The following DHX33 variants were observed in gnomAD, a reference collection of about 807,000 sequenced individuals.
The protein encoded by DHX33 is DEAH-box helicase 33.
DHX33 carries 42 observed loss-of-function variants against 72.5 expected under a neutral mutation model. The observed-to-expected ratio is 0.58, with a 90% CI of 0.45 to 0.75. The LOEUF (loss-of-function observed/expected upper bound fraction) is 0.75, where lower values mean the gene tolerates loss of function less well. DHX33 is among the 30% of genes least tolerant of loss of function. The pLI is 0.00. For synonymous variants in DHX33, 358 were observed against 366.1 expected (o/e 0.98, Z 0.25); for missense variants, 842 against 917.5 (o/e 0.92, Z 1.06).
At chr17:5,445,102 T>C (rs1024819506) in intron 11 of DHX33, among the ~76,000 whole-genome samples, 1 of 151,382 alleles carries the variant, frequency 6.6e-6, no homozygotes, top group African/African-American at 2.4e-5. Flanking sequence ...TTTTTGAGGC[T>C]GAGTCTCCCT....
At position 5,456,085 on chromosome 17, in the gene DHX33, G is replaced by A; in HGVS notation, c.947C>T (p.Pro316Leu). ...GACCAGCATCGCAGGGCAGCCGTCT[G>A]GGAGGTGCTTTGCAATGTCTCGGCA... ...KTCRDIAKHL[P>L]DGCPAMLVLP... Residue 316 changes from proline (P) to leucine (L), a missense_variant, in exon 5 of 12, where the codon CCA (proline) becomes CTA (leucine). Transcript: ENST00000225296. The A allele has an allele frequency of 6.2e-7, 1 of 1,614,010 alleles. No homozygotes were observed. Among genetic ancestry groups the A allele is most frequent in the Admixed American group, 1.7e-5 (1 of 60,022 alleles).
chr17:5,453,388 T>C (rs1917038145), intron 8 of DHX33, among the ~76,000 whole-genome samples, 192 bp downstream of exon 8: 1 of 152,256 alleles, frequency 6.6e-6, no homozygotes. Context: ...AGACCCTGTC[T>C]CTTTAAAAGT....
intron 4 of DHX33, among the ~76,000 whole-genome samples, 196 bp downstream of exon 4, chr17:5,460,743 G>C (rs1030121321): frequency 2.6e-5 from 4 of 151,168 alleles, no homozygotes; most frequent in Admixed American, 2.6e-4. Flanking sequence ...CTGACCTCAG[G>C]TGATCCACCT....
Position 5,453,580 on chromosome 17 carries a change from C to G in DHX33, c.1396G>C (p.Asp466His), listed in dbSNP as rs747329839. ...CTGCAAAACTGTGGATTTCACTTAC[C>G]TGGAGATGGCTTCGACATGAAGTCA... is the stretch of plus-strand genomic sequence containing the variant. ...TFDFMSKPSP[D>H]HIQAAIAQLD... Residue 466 changes from aspartate to histidine, a missense_variant and splice_region_variant, in exon 8 of 12, where the codon GAT (aspartate) becomes CAT (histidine). By Grantham distance (81) the Asp-to-His change is moderately conservative. Coordinates refer to ENST00000225296, the MANE Select transcript of DHX33 (RefSeq NM_020162.4). 1.2e-5 allele frequency: 19 copies of G among 1,614,050 alleles called. No homozygotes were observed. The East Asian group carries it at 4.2e-4, about 36-fold the overall frequency.
At chr17:5,462,199 C>T (rs997047909) in intron 3 of DHX33, 120 bp downstream of exon 3, 5 of 925,478 alleles carry the variant, frequency 5.4e-6, no homozygotes, top group African/African-American at 5.0e-5. Context: ...CTTGGCCTCC[C>T]AAAGTGCTGG....
chr17:5,457,115 T>G (rs1023977221), intron 4 of DHX33, among the ~76,000 whole-genome samples: 1 of 152,162 alleles, frequency 6.6e-6, no homozygotes, highest in African/African-American at 2.4e-5. Flanking sequence ...GAGACCAGCT[T>G]GACCAACATG....
Position 5,463,645 on chromosome 17 carries a change from A to G in DHX33, c.334T>C (p.Tyr112His). The change falls in exon 2 of 12, where the codon TAT becomes CAT. Residue 112 changes from tyrosine to histidine, a missense_variant. Transcript: ENST00000225296. ...CCCTGGCGGCTGATCCCTCCTTCATACAGGTACTGAGGGATCTGAGTTGTC... is the reference window on the plus strand; with the variant it reads ...CCCTGGCGGCTGATCCCTCCTTCATGCAGGTACTGAGGGATCTGAGTTGTC... ...GKTTQIPQYL[Y>H]EGGISRQGII... 1 of 1,613,730 alleles carries G rather than the reference A, an allele frequency of 6.2e-7. No individual in the cohort carries two copies. Among genetic ancestry groups the G allele is most frequent in the East Asian group, 2.2e-5 (1 of 44,868 alleles).
At position 5,450,335 on chromosome 17, in the gene DHX33, G is replaced by A. The variant is rs1916843050; in HGVS notation, c.1596C>T (p.Asp532=). 1 of 1,614,066 alleles carries A rather than the reference G, an allele frequency of 6.2e-7. No homozygotes were observed. The highest frequency in any genetic ancestry group is 1.7e-5 in the Admixed American group (1 of 60,008). ...GGGAAGGAGGGTTGTGGAGGACGCTGTCCACAGACAGCAGGGAGACAATGG... is the reference window on the plus strand; with the variant it reads ...GGGAAGGAGGGTTGTGGAGGACGCTATCCACAGACAGCAGGGAGACAATGG... The part of the protein sequence containing the change: ...ILTIVSLLSV[D]SVLHNPPSRR... The change falls in exon 10 of 12, where the codon GAC becomes GAT. Residue 532 remains aspartate, a synonymous_variant. Transcript: ENST00000225296.
Position 5,468,740 on chromosome 17 carries a change from G to C in DHX33, c.120C>G (p.Ser40Arg). 2 of 1,610,896 alleles carry C rather than the reference G, an allele frequency of 1.2e-6. No individual in the cohort carries two copies. The highest frequency in any genetic ancestry group is 1.3e-5 in the African/African-American group (1 of 74,972). ...GGCCTCCTCCTCCTCCTCTGCCGCC[G>C]CTGCCCGCAGTCAGCAGCATCACCA... is the stretch of plus-strand genomic sequence containing the variant. ...RQVVMLLTAG[S>R]GGRGGGGGRR... Residue 40 changes from serine (S) to arginine (R), a missense_variant, in exon 1 of 12, where the codon AGC (serine) becomes AGG (arginine). By Grantham distance (110) the Ser-to-Arg change is moderately radical (BLOSUM62 -1). Coordinates refer to ENST00000225296, the MANE Select transcript of DHX33 (RefSeq NM_020162.4).
chr17:5,467,524 A>G (rs530298659), intron 1 of DHX33, among the ~76,000 whole-genome samples: 2 of 152,248 alleles, frequency 1.3e-5, no homozygotes, highest in Non-Finnish European at 2.9e-5. Context: ...GGCTAAGGTC[A>G]GCACGACCAT....
At position 5,460,929 on chromosome 17, in the gene DHX33, A is replaced by C. The variant is rs557963026; in HGVS notation, c.849+10T>G. 10 of 1,604,740 alleles carry C rather than the reference A, an allele frequency of 6.2e-6. No individual in the cohort carries two copies. Among genetic ancestry groups the C allele is most frequent in the Non-Finnish European group, 8.5e-6 (10 of 1,173,222 alleles). On this transcript the variant is annotated intron_variant, in intron 4 of 11. Coordinates refer to ENST00000225296, the MANE Select transcript of DHX33 (RefSeq NM_020162.4). ...GAGAACTTTTCAGGAATTTGCCCCC[A>C]GCACCATACCTGGTGGATCTGGAAG...
intron 1 of DHX33, among the ~76,000 whole-genome samples, chr17:5,467,359 A>G (rs1567605318): frequency 6.6e-6 from 1 of 152,220 alleles, no homozygotes; most frequent in East Asian, 1.9e-4. Flanking sequence ...CCCTCGTTGC[A>G]GGAAGTAGCC....
At chr17:5,460,083 C>T (rs959915514) in intron 4 of DHX33, among the ~76,000 whole-genome samples, 1 of 150,898 alleles carries the variant, frequency 6.6e-6, no homozygotes, top group African/African-American at 2.4e-5. Flanking sequence ...GGCGCGATCT[C>T]GGCTCACTGC....
chr17:5,449,722 A>G (rs551292275), intron 10 of DHX33, among the ~76,000 whole-genome samples: 4 of 152,194 alleles, frequency 2.6e-5, no homozygotes, highest in Non-Finnish European at 5.9e-5. Flanking sequence ...CAAGCTTGAG[A>G]CACTGTGCCT....
chr17:5,445,304 C>G (rs1490999764), intron 11 of DHX33, among the ~76,000 whole-genome samples: 2 of 152,204 alleles, frequency 1.3e-5, no homozygotes, highest in East Asian at 3.8e-4. Context: ...GTCTTGAACT[C>G]CTGACCTCAA....
chr17:5,453,438 G>T, intron 8 of DHX33, 142 bp downstream of exon 8: 1 of 676,952 alleles, frequency 1.5e-6, no homozygotes, highest in Non-Finnish European at 2.6e-6. Context: ...ATTTTCAGAT[G>T]CTTCTCTAAT....
In DHX33 at chr17:5,459,294, T is replaced by C. The variant is rs547044025; in HGVS notation, c.849+1645A>G. Among the ~76,000 whole-genome samples the C allele has an allele frequency of 5.3e-5, 8 of 152,304 alleles. No homozygotes were observed. The East Asian group carries it at 1.5e-3, about 29-fold the overall frequency. ...AGGAAGGTAAAAACATTAAATTTTATACAAATTAAACAAAAGTGACTTAAT... is the reference window on the plus strand; with the variant it reads ...AGGAAGGTAAAAACATTAAATTTTACACAAATTAAACAAAAGTGACTTAAT... On this transcript the variant is annotated intron_variant, in intron 4 of 11. Transcript: ENST00000225296.
chr17:5,460,032 T>G (rs1904510316), intron 4 of DHX33, among the ~76,000 whole-genome samples: 2 of 146,744 alleles, frequency 1.4e-5, no homozygotes. Flanking sequence ...TTTTTTTTTT[T>G]GAGACAGACC....
intron 1 of DHX33, among the ~76,000 whole-genome samples, chr17:5,465,921 T>A (rs777431986): frequency 5.3e-5 from 8 of 152,144 alleles, no homozygotes; most frequent in Non-Finnish European, 1.2e-4. Context: ...CATCCTTACA[T>A]CCGTTCTCTA....
Sources: gnomAD v4.1 joint callset for allele counts (sites outside exome capture counted in the v4.1 genomes callset) on GRCh38, gnomAD v4.1.1 for gene constraint, MANE v1.5 for transcripts, NCBI Gene and HGNC (gene_info 2026-07-23, HGNC 2026-07-21) for gene names.